The following TENM4 variants were observed in gnomAD, a reference collection of about 807,000 sequenced individuals.
The protein encoded by TENM4 is teneurin transmembrane protein 4, also known as teneurin-4.
A neutral mutation model predicts 243.3 loss-of-function variants in TENM4; 82 were observed. The ratio of observed to expected loss-of-function variants is 0.34; its 90% CI spans 0.28 to 0.40. The LOEUF is 0.40. Ranked by LOEUF, TENM4 falls within the 10% of genes least tolerant of loss-of-function variation. The probability of loss-of-function intolerance (pLI) is 1.00; values close to 1 mark genes in which losing one functional copy is unlikely to be tolerated. For missense variants in TENM4, 3,138 were observed against 3,673.3 expected, an observed-to-expected ratio of 0.85 and a Z score of 3.77; for synonymous variants, 1,412 against 1,456.3, an observed-to-expected ratio of 0.97 and a Z score of 0.69.
intron 19 of TENM4, among the ~76,000 whole-genome samples, chr11:78,752,953 G>T (rs919248344): frequency 6.6e-6 from 1 of 152,128 alleles, no homozygotes; most frequent in African/African-American, 2.4e-5. Context: ...TGTGTGGCAG[G>T]TACTAGGTTG....
At chr11:79,113,122 A>T (rs576530728) in intron 4 of TENM4, among the ~76,000 whole-genome samples, 1 of 152,204 alleles carries the variant, frequency 6.6e-6, no homozygotes, top group South Asian at 2.1e-4. Context: ...CACAAAAGCA[A>T]AGATGAAAAT....
chr11:79,366,211 AG>A (rs1433719506), intron 1 of TENM4, among the ~76,000 whole-genome samples: 6 of 152,188 alleles, frequency 3.9e-5, no homozygotes, highest in Non-Finnish European at 8.8e-5. Context: ...CCGATGACTC[AG>A]GGCAGCATTA....
At chr11:78,714,681 C>A (rs1412428947) in intron 25 of TENM4, among the ~76,000 whole-genome samples, 1 of 151,680 alleles carries the variant, frequency 6.6e-6, no homozygotes, top group African/African-American at 2.4e-5. Flanking sequence ...ACCCTCCCAT[C>A]CTCCCTCCCC....
Position 78,722,719 on chromosome 11 carries a change from T to C in TENM4, c.3749A>G (p.Tyr1250Cys), listed in dbSNP as rs1351184914. The C allele has an allele frequency of 1.2e-6, 2 of 1,613,920 alleles. No individual in the cohort carries two copies. The highest frequency in any genetic ancestry group is 1.7e-6 in the Non-Finnish European group (2 of 1,179,886). The change falls in exon 24 of 34, where the codon TAC becomes TGC. Residue 1250 changes from tyrosine (Y) to cysteine (C), a missense_variant. Tyr to Cys is a radical substitution (Grantham distance 194, BLOSUM62 -2). Around this residue, in one of 2 missense-constraint regions of TENM4, gnomAD observed 2,467 missense variants for 3,059.1 expected, o/e 0.81. Coordinates refer to ENST00000278550, the MANE Select transcript of TENM4 (RefSeq NM_001098816.3). ...TCCAGAGGGGAAGATCCTTCTAATGTAGTTGAAATCACCCACATAGAGGCT... is the reference window on the plus strand; with the variant it reads ...TCCAGAGGGGAAGATCCTTCTAATGCAGTTGAAATCACCCACATAGAGGCT... ...DGSLYVGDFN[Y>C]IRRIFPSGNV...
At chr11:79,256,791 G>T (rs672330) in intron 2 of TENM4, among the ~76,000 whole-genome samples, 1 of 152,136 alleles carries the variant, frequency 6.6e-6, no homozygotes, top group Non-Finnish European at 1.5e-5. Flanking sequence ...GGCTTTCATT[G>T]GGTGATAGGG....
chr11:79,113,182 G>A lies in TENM4; in HGVS notation c.-66+35528C>T, dbSNP rs72933178. 8.8e-3 allele frequency among the ~76,000 whole-genome samples: 1,333 copies of A among 152,200 alleles called. 19 individuals are homozygous for A. The highest frequency in any genetic ancestry group is 0.03 in the South Asian group (144 of 4,806). On this transcript the variant is annotated intron_variant, in intron 4 of 33. Transcript: ENST00000278550. The stretch of plus-strand genomic sequence containing the variant: ...CAAGTGAGAAAGCAGCCAGCCCTGG[G>A]GGTCAGAGTCAGCTGAGGGTCAGGG...
intron 6 of TENM4, among the ~76,000 whole-genome samples, chr11:78,925,159 A>G (rs895900558): frequency 5.9e-5 from 9 of 152,164 alleles, no homozygotes; most frequent in Admixed American, 2.0e-4. Flanking sequence ...CTTCTCTCCC[A>G]ACAAAACAAA....
chr11:79,097,411 T>C (rs7938684), intron 4 of TENM4: 48,405 of 152,114 alleles, frequency 0.32, 9,451 homozygotes, highest in Non-Finnish European at 0.44. Context: ...ATGGATCGCC[T>C]GCTAATTTTC....
chr11:79,054,599 T>C (rs906054649), intron 6 of TENM4, among the ~76,000 whole-genome samples: 1 of 151,702 alleles, frequency 6.6e-6, no homozygotes, highest in South Asian at 2.1e-4. Flanking sequence ...CCCAGGCCCC[T>C]ACCTCAGTCT....
intron 1 of TENM4, among the ~76,000 whole-genome samples, chr11:79,326,135 A>G (rs1284965032): frequency 6.6e-6 from 1 of 152,206 alleles, no homozygotes; most frequent in Non-Finnish European, 1.5e-5. Context: ...AGTTGTTTAA[A>G]AAGTCCCACC....
chr11:78,976,428 G>C (rs1857656557), intron 6 of TENM4, among the ~76,000 whole-genome samples: 1 of 152,040 alleles, frequency 6.6e-6, no homozygotes, highest in Non-Finnish European at 1.5e-5. Context: ...AAAAAAACCA[G>C]AAAGCCATGT....
Position 79,332,094 on chromosome 11 carries a change from A to G in TENM4, c.-320-34551T>C, listed in dbSNP as rs113650221. Among the ~76,000 whole-genome samples, 1,317 of 152,316 alleles carry G rather than the reference A, an allele frequency of 8.6e-3. 7 individuals carry two copies. The highest frequency in any genetic ancestry group is 0.016 in the Non-Finnish European group (1,070 of 68,020). ...CTGATCCTCACACAACCTGTAAAGT[A>G]GTTTTGATTATTATCCCCATTTTAT... On this transcript the variant is annotated intron_variant, in intron 1 of 33. Coordinates refer to ENST00000278550, the MANE Select transcript of TENM4 (RefSeq NM_001098816.3).
intron 12 of TENM4, among the ~76,000 whole-genome samples, chr11:78,820,582 G>A (rs188793220): frequency 2.6e-5 from 4 of 152,190 alleles, no homozygotes; most frequent in Admixed American, 6.5e-5. Flanking sequence ...TGGTATTTTG[G>A]TTTTAAGGAA....
chr11:79,047,671 A>AG (rs1194875006), intron 6 of TENM4, among the ~76,000 whole-genome samples: 5 of 152,152 alleles, frequency 3.3e-5, no homozygotes, highest in Non-Finnish European at 7.4e-5. Flanking sequence ...CCATGTGTCA[A>AG]GGGGGCCTAG....
chr11:79,036,026 T>C (rs1280191688), intron 6 of TENM4, among the ~76,000 whole-genome samples: 1 of 152,232 alleles, frequency 6.6e-6, no homozygotes, highest in African/African-American at 2.4e-5. Context: ...GTGTCTGGCC[T>C]TAAAACTAAA....
chr11:79,121,519 A>G lies in TENM4; in HGVS notation c.-66+27191T>C, dbSNP rs1476428111. ...AGCTTTATTTTAGGCATAAAGGACC[A>G]TGCGGCGGAGTAGCCCAGCTCTTCC... On this transcript the variant is annotated intron_variant, in intron 4 of 33. Transcript: ENST00000278550. Among the ~76,000 whole-genome samples, 5 of 152,338 alleles carry G rather than the reference A, an allele frequency of 3.3e-5. No individual in the cohort carries two copies. The East Asian group carries it at 9.6e-4, about 29-fold the overall frequency.
chr11:78,791,920 G>C (rs529983327), intron 15 of TENM4, among the ~76,000 whole-genome samples: 18 of 152,274 alleles, frequency 1.2e-4, no homozygotes, highest in Non-Finnish European at 1.8e-4. Context: ...TGGGGTCTGG[G>C]AGGAATCTTT....
At chr11:78,939,232 C>T (rs182350283) in intron 6 of TENM4, among the ~76,000 whole-genome samples, 1 of 152,330 alleles carries the variant, frequency 6.6e-6, no homozygotes, top group African/African-American at 2.4e-5. Flanking sequence ...CCACATACGG[C>T]TGAGCTTTTC....
At chr11:79,359,289 T>C (rs1857551530) in intron 1 of TENM4, among the ~76,000 whole-genome samples, 1 of 152,112 alleles carries the variant, frequency 6.6e-6, no homozygotes, top group African/African-American at 2.4e-5. Flanking sequence ...GTATTAAACA[T>C]AACTGGTTGT....
Sources: allele counts gnomAD v4.1 joint callset (sites outside exome capture counted in the v4.1 genomes callset), GRCh38; gene constraint gnomAD v4.1.1; regional missense constraint gnomAD v4.1.1; transcripts MANE v1.5; gene names NCBI Gene and HGNC (gene_info 2026-07-23, HGNC 2026-07-21).